The following MTRR variants were observed in gnomAD, a reference collection of about 807,000 sequenced individuals.
The protein encoded by MTRR is methionine synthase reductase.
Under a neutral mutation model 79.2 loss-of-function variants are expected in MTRR, and 63 were observed. The observed-to-expected ratio is 0.80, with a 90% confidence interval of 0.65 to 0.98. The LOEUF (loss-of-function observed/expected upper bound fraction) is 0.98, where lower values mean the gene tolerates loss of function less well. Among genes scored for constraint, MTRR ranks in the 50% least tolerant of loss-of-function variants. MTRR has a pLI of 0.00. For missense variants in MTRR, 895 were observed against 839.6 expected (o/e 1.07, Z -0.82); for synonymous variants, 355 against 313.3 (o/e 1.13, Z -1.41).
At chr5:7,851,334 C>T (rs1053350090) in exon 1 of MTRR, 2 of 291,168 alleles carry the variant, frequency 6.9e-6, no homozygotes, top group South Asian at 3.3e-4. Flanking sequence ...TCACCTTTCC[C>T]ATGCAGCAGC....
intron 11 of MTRR, among the ~76,000 whole-genome samples, chr5:7,893,998 AT>A (rs1738077440): frequency 6.6e-6 from 1 of 152,174 alleles, no homozygotes; most frequent in Admixed American, 6.5e-5. Context: ...TCACTTGGTG[AT>A]TGTATAAAGA....
In MTRR at chr5:7,875,194, C is replaced by G. The variant is rs2303079; in HGVS notation, c.284-64C>G. On this transcript the variant is annotated intron_variant, in intron 3 of 14. Coordinates refer to ENST00000440940, the MANE Select transcript of MTRR (RefSeq NM_002454.3). ...AGTATTATTTTAGATATTTTATTTA[C>G]CTAGTCTTTGTGTCCTTAAATTTAA... is the stretch of plus-strand genomic sequence containing the variant. The G allele has an allele frequency of 0.19, 196,962 of 1,028,296 alleles. 21,284 individuals carry two copies. Among genetic ancestry groups the G allele is most frequent in the Admixed American group, 0.34 (20,352 of 59,198 alleles). 63.7% of individuals were successfully genotyped at this position (1,028,296 alleles called of 1,614,324 possible).
rs780207562 is a variant in MTRR at position 7,883,276 on chromosome 5, C to T, written c.902C>T (p.Ser301Leu). 6.2e-7 allele frequency: 1 copy of T among 1,614,180 alleles called. No homozygotes were observed. Among genetic ancestry groups the T allele is most frequent in the Non-Finnish European group, 8.5e-7 (1 of 1,180,024 alleles). ...ACTCTGCTGGTAGAATTGGACATTT[C>T]AGTAAGTTGCAAAATTTATTTCTCA... ...KTTLLVELDISNTDFSYQPGD... is the reference protein window; with the variant it reads ...KTTLLVELDILNTDFSYQPGD... Residue 301 changes from serine (S) to leucine (L), a missense_variant and splice_region_variant, in exon 6 of 15, where the codon TCA (serine) becomes TTA (leucine). Ser to Leu is a moderately radical substitution (Grantham distance 145). Coordinates refer to ENST00000440940, the MANE Select transcript of MTRR (RefSeq NM_002454.3).
At chr5:7,874,493 T>C (rs1051959957) in intron 3 of MTRR, among the ~76,000 whole-genome samples, 2 of 151,984 alleles carry the variant, frequency 1.3e-5, no homozygotes, top group African/African-American at 4.8e-5. Context: ...GTCCCACTGT[T>C]CGAGTCAATG....
At chr5:7,867,859 T>G (rs767614377), upstream of MTRR, 2 of 1,613,886 alleles carry the variant, frequency 1.2e-6, no homozygotes, top group South Asian at 2.2e-5. Context: ...GTCCACCGAG[T>G]GGATGAAGGT....
At chr5:7,890,358 C>G in intron 9 of MTRR, 2 of 985,442 alleles carry the variant, frequency 2.0e-6, no homozygotes, top group Non-Finnish European at 2.4e-6. Context: ...CCCTCTCACC[C>G]TCTTCAGTGA....
At chr5:7,875,837 C>T (rs981566154) in intron 4 of MTRR, among the ~76,000 whole-genome samples, 6 of 152,220 alleles carry the variant, frequency 3.9e-5, no homozygotes, top group Admixed American at 6.5e-5. Flanking sequence ...GTGCTCTTAC[C>T]GTCTGAACGG....
chr5:7,895,867 T>C lies in MTRR; in HGVS notation c.1676+15T>C, dbSNP rs1224725177. 1 of 1,613,918 alleles carries C rather than the reference T, an allele frequency of 6.2e-7. No individual in the cohort carries two copies. The highest frequency in any genetic ancestry group is 8.5e-7 in the Non-Finnish European group (1 of 1,179,934). ...CTACAACATAGGTATGTTCTTTTTT[T>C]GGCTAATGGGAAAATGTATTCCTGA... On this transcript the variant is annotated intron_variant, in intron 12 of 14. Transcript: ENST00000440940.
intron 5 of MTRR, among the ~76,000 whole-genome samples, chr5:7,881,412 G>A (rs1321095598): frequency 6.6e-6 from 1 of 152,036 alleles, no homozygotes; most frequent in Non-Finnish European, 1.5e-5. Flanking sequence ...TGTGGGCAGA[G>A]GTCCTTACAC....
intron 1 of MTRR, among the ~76,000 whole-genome samples, chr5:7,858,480 T>C (rs574589416): frequency 1.3e-5 from 2 of 152,188 alleles, no homozygotes; most frequent in Non-Finnish European, 2.9e-5. Flanking sequence ...TCTCTCTTTC[T>C]TTGTAATTGG....
intron 5 of MTRR, among the ~76,000 whole-genome samples, chr5:7,880,840 T>C (rs1735459562): frequency 6.6e-6 from 1 of 152,200 alleles, no homozygotes; most frequent in African/African-American, 2.4e-5. Context: ...ATAGATGAGC[T>C]ATGCTGATGC....
intron 4 of MTRR, among the ~76,000 whole-genome samples, 175 bp from the exon 5 acceptor site, chr5:7,877,764 CATAAT>C (rs546334153): frequency 5.3e-5 from 8 of 152,208 alleles, no homozygotes; most frequent in Admixed American, 5.2e-4. Context: ...CTAATGAACA[CATAAT>C]ATATCCTGCT....
intron 4 of MTRR, among the ~76,000 whole-genome samples, chr5:7,876,322 A>G (rs533799745): frequency 6.6e-6 from 1 of 152,194 alleles, no homozygotes; most frequent in East Asian, 1.9e-4. Flanking sequence ...CTGTACCTTT[A>G]TATTGAGCTT....
intron 2 of MTRR, chr5:7,872,228 A>T (rs539015975): frequency 2.8e-4 from 128 of 454,660 alleles, no homozygotes; most frequent in African/African-American, 2.3e-3. Context: ...CTCTTTTATC[A>T]GTGTGAAAAA....
At chr5:7,863,047 C>T (rs765721013) in intron 2 of MTRR, 230 of 1,508,108 alleles carry the variant, frequency 1.5e-4, no homozygotes, top group Admixed American at 8.2e-4. Context: ...GATATAACAA[C>T]AGAGAATAAA....
intron 1 of MTRR, chr5:7,861,592 A>C (rs769710770): frequency 6.3e-7 from 1 of 1,591,244 alleles, no homozygotes; most frequent in East Asian, 2.3e-5. Context: ...CCTTTTATGG[A>C]TATCTTCATT....
chr5:7,875,376 G>A lies in MTRR; in HGVS notation c.401+1G>A, dbSNP rs1400065323. On this transcript the variant is annotated splice_donor_variant, in intron 4 of 14. Coordinates refer to ENST00000440940, the MANE Select transcript of MTRR (RefSeq NM_002454.3). LOFTEE classifies it high-confidence loss of function. The stretch of plus-strand genomic sequence containing the variant: ...CTGGACATGCAGATGACTGTGTAGG[G>A]TAAGGGCAGTGTTCTCTGTTTACTC... 1 of 1,599,950 alleles carries A rather than the reference G, an allele frequency of 6.3e-7. No homozygotes were observed. Among genetic ancestry groups the A allele is most frequent in the Admixed American group, 1.7e-5 (1 of 59,986 alleles).
In MTRR at chr5:7,887,793, C is replaced by CATATATATATAT. The variant is rs372829698; in HGVS notation, c.1146+1117_1146+1128dup. 9.2e-4 allele frequency among the ~76,000 whole-genome samples: 85 copies of CATATATATATAT among 92,004 alleles called. 1 individual carries two copies. The highest frequency in any genetic ancestry group is 1.3e-3 in the Admixed American group (10 of 7,952). The allele number at this position is 92,004 out of a possible 152,430, so 60.4% of individuals were successfully genotyped here. ...GTATATATTTGTGTGTGTGTGTGTG[C>CATATATATATAT]ATATATATATATATATATATATATA... On this transcript the variant is annotated intron_variant, in intron 8 of 14. Coordinates refer to ENST00000440940, the MANE Select transcript of MTRR (RefSeq NM_002454.3).
At chr5:7,875,795 G>GT (rs1734449766) in intron 4 of MTRR, among the ~76,000 whole-genome samples, 1 of 152,266 alleles carries the variant, frequency 6.6e-6, no homozygotes, top group South Asian at 2.1e-4. Flanking sequence ...ACACAGGTCT[G>GT]TGGGCCTTCG....
Sources: gnomAD v4.1 joint callset for allele counts (sites outside exome capture counted in the v4.1 genomes callset) on GRCh38, gnomAD v4.1.1 for gene constraint, MANE v1.5 for transcripts, NCBI Gene and HGNC (gene_info 2026-07-23, HGNC 2026-07-21) for gene names.